The following LMX1A variants were observed in gnomAD, a reference collection of about 807,000 sequenced individuals.
LMX1A encodes LIM homeobox transcription factor 1 alpha.
LMX1A carries 15 observed loss-of-function variants against 49.1 expected under a neutral mutation model. That is an observed-to-expected ratio of 0.31 (90% CI 0.20 to 0.47). LMX1A has a LOEUF of 0.47. Among genes scored for constraint, LMX1A ranks in the 20% least tolerant of loss-of-function variants. The probability of loss-of-function intolerance (pLI) is 1.00; values close to 1 mark genes in which losing one functional copy is unlikely to be tolerated. For missense variants in LMX1A, 372 were observed against 475.8 expected (o/e 0.78, Z 2.03); for synonymous variants, 167 against 185.7 (o/e 0.90, Z 0.82).
In LMX1A at chr1:165,336,331, A is replaced by C. The variant is rs77041116; in HGVS notation, c.263+16745T>G. 1.0e-3 allele frequency among the ~76,000 whole-genome samples: 155 copies of C among 152,232 alleles called. 1 individual carries two copies. The East Asian group carries it at 0.028, about 28-fold the overall frequency. Reference sequence around the variant, plus strand: ...CCTTTCTTCTAGATCACTAACCTTTAATCATTTCGGGATCACAGGACACTT... The same window carrying C: ...CCTTTCTTCTAGATCACTAACCTTTCATCATTTCGGGATCACAGGACACTT... On this transcript the variant is annotated intron_variant, in intron 3 of 8. Transcript: ENST00000342310.
At chr1:165,206,788 T>C (rs1182222623) in intron 7 of LMX1A, among the ~76,000 whole-genome samples, 3 of 152,200 alleles carry the variant, frequency 2.0e-5, no homozygotes, top group Non-Finnish European at 4.4e-5. Flanking sequence ...AATTCAGATC[T>C]AACCAGCTTC....
At chr1:165,221,616 G>A (rs564121088) in intron 4 of LMX1A, among the ~76,000 whole-genome samples, 2 of 152,120 alleles carry the variant, frequency 1.3e-5, no homozygotes, top group South Asian at 4.1e-4. Flanking sequence ...GGGAGGGACC[G>A]GGCAGGTCAG....
Position 165,319,009 on chromosome 1 carries a change from A to T in LMX1A, c.263+34067T>A, listed in dbSNP as rs943348394. On this transcript the variant is annotated intron_variant, in intron 3 of 8. Transcript: ENST00000342310. ...CTCTCTCTCTCTCTCTCACACACAC[A>T]CACACACACACACACACACACACAC... Among the ~76,000 whole-genome samples the T allele has an allele frequency of 5.5e-3, 698 of 127,226 alleles. 3 individuals are homozygous for T. The highest frequency in any genetic ancestry group is 0.012 in the South Asian group (47 of 4,028). The allele number at this position is 127,226 out of a possible 152,430, so 83.5% of individuals were successfully genotyped here. A position where few individuals can be genotyped will look rare whatever the true frequency, so the allele number is the denominator to read the frequency against.
intron 4 of LMX1A, among the ~76,000 whole-genome samples, chr1:165,242,435 GA>G (rs1363347466): frequency 6.8e-5 from 9 of 132,154 alleles, no homozygotes; most frequent in African/African-American, 2.6e-4. Context: ...TGGTCTTCAG[GA>G]AGAAAAAATT....
intron 3 of LMX1A, among the ~76,000 whole-genome samples, chr1:165,263,585 A>C (rs2101688294): frequency 6.6e-6 from 1 of 152,254 alleles, no homozygotes; most frequent in South Asian, 2.1e-4. Context: ...TCCCTGGGTT[A>C]CCTCCACAAC....
At chr1:165,265,373 C>T (rs1452701125) in intron 3 of LMX1A, among the ~76,000 whole-genome samples, 2 of 152,152 alleles carry the variant, frequency 1.3e-5, no homozygotes, top group Non-Finnish European at 2.9e-5. Flanking sequence ...AGAGAAACAC[C>T]TGCCTCTATC....
intron 4 of LMX1A, among the ~76,000 whole-genome samples, chr1:165,237,081 C>T (rs1487182026): frequency 2.6e-5 from 4 of 152,208 alleles, no homozygotes; most frequent in Non-Finnish European, 5.9e-5. Flanking sequence ...TCATACACTT[C>T]TATGTGTTCC....
chr1:165,247,606 G>A (rs1652907074), intron 4 of LMX1A, among the ~76,000 whole-genome samples: 2 of 152,200 alleles, frequency 1.3e-5, no homozygotes. Context: ...TCTTAAGGCT[G>A]CAAGCAAGTT....
chr1:165,208,226 G>A, intron 6 of LMX1A, 94 bp from the exon 7 acceptor site: 2 of 1,153,972 alleles, frequency 1.7e-6, no homozygotes, highest in Non-Finnish European at 1.3e-6. Context: ...TTCCCCGGGA[G>A]AGGGCTTGTT....
Position 165,355,757 on chromosome 1 carries a change from C to G in LMX1A, c.-22-176G>C. Reference sequence around the variant, plus strand: ...GGGAGGAGAGATCAGTCACAGCGAACTGCTCTGGCTGATCTGATTTCACTT... The same window carrying G: ...GGGAGGAGAGATCAGTCACAGCGAAGTGCTCTGGCTGATCTGATTTCACTT... On this transcript the variant is annotated intron_variant, in intron 1 of 8. Transcript: ENST00000342310. This position sits in a 1 kb window ranked among gnomAD's most constrained non-coding sequence, Gnocchi z 4.7. 1 of 597,754 alleles carries G rather than the reference C, an allele frequency of 1.7e-6. No homozygotes were observed. The allele number at this position is 597,754 out of a possible 1,614,324, so 37.0% of individuals were successfully genotyped here.
intron 3 of LMX1A, among the ~76,000 whole-genome samples, chr1:165,350,586 C>T (rs1041669141): frequency 6.6e-6 from 1 of 151,866 alleles, no homozygotes; most frequent in Non-Finnish European, 1.5e-5. Context: ...TCCTTTTTCT[C>T]CTACAGATAC....
intron 4 of LMX1A, among the ~76,000 whole-genome samples, chr1:165,232,917 G>A (rs951491709): frequency 6.6e-6 from 1 of 152,168 alleles, no homozygotes; most frequent in Admixed American, 6.5e-5. Context: ...TGTCCTTGGA[G>A]TGTCTCCACT....
intron 3 of LMX1A, among the ~76,000 whole-genome samples, chr1:165,349,747 T>C (rs34861550): frequency 0.09 from 13,664 of 152,252 alleles, 792 homozygotes; most frequent in South Asian, 0.14. Flanking sequence ...GTCAATTCTA[T>C]TTTTTTAATT....
intron 3 of LMX1A, among the ~76,000 whole-genome samples, chr1:165,288,469 C>T (rs1244995247): frequency 6.6e-6 from 1 of 151,980 alleles, no homozygotes; most frequent in Non-Finnish European, 1.5e-5. Flanking sequence ...GCTGTCTCCT[C>T]GGCAGCGGCT....
intron 3 of LMX1A, among the ~76,000 whole-genome samples, chr1:165,273,017 A>C (rs1653853106): frequency 6.6e-6 from 1 of 152,188 alleles, no homozygotes; most frequent in African/African-American, 2.4e-5. Context: ...GTCCCAGAAG[A>C]AGCATTCATG....
chr1:165,208,089 T>C lies in LMX1A; in HGVS notation c.791A>G (p.Gln264Arg), dbSNP rs200350574. The C allele has an allele frequency of 3.3e-5, 54 of 1,613,994 alleles. No individual in the cohort carries two copies. The highest frequency in any genetic ancestry group is 4.2e-5 in the Non-Finnish European group (50 of 1,180,032). ...ARRQQQQQQDQQNTQRLSSAQ... is the reference protein window; with the variant it reads ...ARRQQQQQQDRQNTQRLSSAQ... ...AGAGCTCAGCCTCTGGGTGTTCTGC[T>C]GATCTTGCTGCTGCTGCTGCTGTCG... Residue 264 changes from glutamine (Q) to arginine (R), a missense_variant, in exon 7 of 9, where the codon CAG (glutamine) becomes CGG (arginine). By Grantham distance (43) the Gln-to-Arg change is conservative. Transcript: ENST00000342310.
At chr1:165,318,582 T>C (rs1655288080) in intron 3 of LMX1A, among the ~76,000 whole-genome samples, 1 of 152,198 alleles carries the variant, frequency 6.6e-6, no homozygotes, top group Non-Finnish European at 1.5e-5. Context: ...ACAATTTTAC[T>C]GTTAAGAGCT....
chr1:165,300,327 A>C (rs1463069125), intron 3 of LMX1A, among the ~76,000 whole-genome samples: 3 of 152,158 alleles, frequency 2.0e-5, no homozygotes, highest in Admixed American at 2.0e-4. Flanking sequence ...GGGCTTTCTC[A>C]TCTCTAATGT....
At chr1:165,347,319 A>G (rs769080635) in intron 3 of LMX1A, among the ~76,000 whole-genome samples, 13 of 152,212 alleles carry the variant, frequency 8.5e-5, no homozygotes, top group Non-Finnish European at 1.8e-4. Flanking sequence ...TGACTGTCCT[A>G]ATGTTCCTAA....
Sources: gnomAD v4.1 joint callset for allele counts (sites outside exome capture counted in the v4.1 genomes callset) on GRCh38, gnomAD v4.1.1 for gene constraint, Gnocchi (gnomAD v3.1) non-coding constraint, MANE v1.5 for transcripts, NCBI Gene and HGNC (gene_info 2026-07-23, HGNC 2026-07-21) for gene names.